CD109: variants seen among roughly 807,000 people sequenced by gnomAD.
The protein encoded by CD109 is CD109 antigen.
CD109 carries 149 observed loss-of-function variants against 165.8 expected under a neutral mutation model. The observed-to-expected ratio is 0.90, with a 90% confidence interval of 0.79 to 1.03. The LOEUF (loss-of-function observed/expected upper bound fraction) is 1.03. CD109 is among the 50% of genes least tolerant of loss of function. The pLI, the probability that CD109 is intolerant of heterozygous loss-of-function variation, is 0.00. For synonymous variants in CD109, 585 were observed against 592.1 expected, an observed-to-expected ratio of 0.99 and a Z score of 0.18; for missense variants, 1,712 against 1,677.8, an observed-to-expected ratio of 1.02 and a Z score of -0.36.
At chr6:73,806,652 T>C (rs1460593285) in intron 24 of CD109, among the ~76,000 whole-genome samples, 192 bp from the exon 25 acceptor site, 1 of 152,220 alleles carries the variant, frequency 6.6e-6, no homozygotes, top group Non-Finnish European at 1.5e-5. Context: ...TTCTGCCTGC[T>C]AGAGAGAGTT....
chr6:73,716,500 T>C (rs766338732), intron 2 of CD109, among the ~76,000 whole-genome samples: 1 of 152,236 alleles, frequency 6.6e-6, no homozygotes, highest in Non-Finnish European at 1.5e-5. Flanking sequence ...TATCTCATTG[T>C]AGTTTTGATT....
chr6:73,801,283 A>C (rs541187975), intron 23 of CD109, among the ~76,000 whole-genome samples: 1 of 152,338 alleles, frequency 6.6e-6, no homozygotes, highest in South Asian at 2.1e-4. Context: ...AAAGGGAATA[A>C]TAATAGCATC....
intron 5 of CD109, among the ~76,000 whole-genome samples, chr6:73,742,561 G>T (rs1217811005): frequency 1.3e-5 from 2 of 152,250 alleles, no homozygotes. Context: ...CAGAGCTCCA[G>T]GTCTTTGCGT....
chr6:73,757,262 G>C (rs1396362286), intron 6 of CD109, among the ~76,000 whole-genome samples: 1 of 152,112 alleles, frequency 6.6e-6, no homozygotes, highest in Non-Finnish European at 1.5e-5. Flanking sequence ...TCTTTTTTGA[G>C]ATTGGGTTTT....
chr6:73,802,305 A>ATATATATT (rs1554183463), intron 23 of CD109, among the ~76,000 whole-genome samples: 7 of 47,606 alleles, frequency 1.5e-4, no homozygotes, highest in Admixed American at 2.5e-4. Context: ...ATATATATAT[A>ATATATATT]TTTTTTTTTT....
intron 3 of CD109, among the ~76,000 whole-genome samples, chr6:73,727,440 G>A (rs956844411): frequency 2.0e-5 from 3 of 152,182 alleles, no homozygotes; most frequent in African/African-American, 7.2e-5. Context: ...TATATGGCAA[G>A]GTGGGGTTTT....
At chr6:73,723,959 A>G (rs1772047576) in intron 3 of CD109, among the ~76,000 whole-genome samples, 1 of 152,158 alleles carries the variant, frequency 6.6e-6, no homozygotes, top group South Asian at 2.1e-4. Flanking sequence ...TGAGCCTTCT[A>G]GTGTGGAACT....
rs1441812514 is a variant in CD109 at position 73,768,171 on chromosome 6, T to C, written c.1614T>C (p.Asp538=). The change falls in exon 14 of 33, where the codon GAT becomes GAC. Residue 538 remains aspartate (D), a synonymous_variant. Transcript: ENST00000287097. ...KACVIVYYIE[D]DGEIISDVLK... ...GTGTAATTGTGTATTATATTGAAGATGATGGGGAAATTATAAGTGATGTTC... is the reference window on the plus strand; with the variant it reads ...GTGTAATTGTGTATTATATTGAAGACGATGGGGAAATTATAAGTGATGTTC... 3.1e-6 allele frequency: 5 copies of C among 1,600,474 alleles called. No homozygotes were observed. Among genetic ancestry groups the C allele is most frequent in the Non-Finnish European group, 3.4e-6 (4 of 1,167,912 alleles).
intron 10 of CD109, among the ~76,000 whole-genome samples, chr6:73,765,190 G>T (rs1032746208): frequency 2.6e-5 from 4 of 152,036 alleles, no homozygotes; most frequent in African/African-American, 9.7e-5. Context: ...GCAATTTCGG[G>T]GTGCACTCAG....
chr6:73,695,444 T>C (rs936102293), upstream of CD109: 3 of 152,196 alleles, frequency 2.0e-5, no homozygotes, highest in Non-Finnish European at 2.9e-5. Context: ...TACCAAATTC[T>C]TTCTGTAGCA....
Position 73,818,434 on chromosome 6 carries a change from C to T in CD109, c.3958C>T (p.Leu1320=), listed in dbSNP as rs761069465. 6.2e-7 allele frequency: 1 copy of T among 1,613,772 alleles called. No homozygotes were observed. The highest frequency in any genetic ancestry group is 1.7e-5 in the Admixed American group (1 of 59,946). Reference sequence around the variant, plus strand: ...TGGCATGGCTCTTATGGAAGTTAACCTATTAAGTGGCTTTATGGTGCCTTC... The same window carrying T: ...TGGCATGGCTCTTATGGAAGTTAACTTATTAAGTGGCTTTATGGTGCCTTC... ...RSGMALMEVN[L]LSGFMVPSEA... The change falls in exon 31 of 33, where the codon CTA becomes TTA. Residue 1320 remains leucine (L), a synonymous_variant. Coordinates refer to ENST00000287097, the MANE Select transcript of CD109 (RefSeq NM_133493.5).
intron 4 of CD109, among the ~76,000 whole-genome samples, chr6:73,733,924 T>A (rs1191517508): frequency 3.4e-5 from 4 of 116,428 alleles, no homozygotes; most frequent in Non-Finnish European, 6.9e-5. Flanking sequence ...TGTTGAGGCA[T>A]CTCAGAGATC....
chr6:73,761,014 AACACACACACACACACACACACAC>A (rs577598100), intron 7 of CD109, among the ~76,000 whole-genome samples: 40 of 124,404 alleles, frequency 3.2e-4, no homozygotes, highest in African/African-American at 7.6e-4. Context: ...ACTGTGTCTA[AACACACACACACACACACACACAC>A]ACACACACAC....
rs1776323193 is a variant in CD109, at chr6:73,827,981, ATCTTTGAT to A, written c.*4349_*4356del. 4 of 154,722 alleles carry A rather than the reference ATCTTTGAT, an allele frequency of 2.6e-5. No individual in the cohort carries two copies. Among genetic ancestry groups the A allele is most frequent in the Non-Finnish European group, 5.9e-5 (4 of 68,192 alleles). The allele number at this position is 154,722 out of a possible 1,614,324, so 9.6% of individuals were successfully genotyped here. ...TCCATTTGTAGATCTTTAAGATTTT[ATCTTTGAT>A]AACTTTAATAGAATGTGGCTCAGTT... On this transcript the variant is annotated 3_prime_UTR_variant, in exon 33 of 33. Coordinates refer to ENST00000287097, the MANE Select transcript of CD109 (RefSeq NM_133493.5).
chr6:73,820,516 C>G lies in CD109; in HGVS notation c.4115C>G (p.Ser1372Ter). Residue 1372 changes from serine (S) to a stop codon, truncating the protein, a stop_gained, in exon 32 of 33, where the codon TCA (serine) becomes TGA (stop). Coordinates refer to ENST00000287097, the MANE Select transcript of CD109 (RefSeq NM_133493.5). LOFTEE classifies it low-confidence loss of function (END_TRUNC). ...CCTGCTGTGAGAAACTTTAAAGTTT[C>G]AAATACCCAAGATGCTTCAGTGTCC... The part of the protein sequence containing the change: ...NIPAVRNFKV[S>*]NTQDASVSIV... The G allele has an allele frequency of 6.2e-7, 1 of 1,612,402 alleles. No homozygotes were observed. Among genetic ancestry groups the G allele is most frequent in the Non-Finnish European group, 8.5e-7 (1 of 1,178,988 alleles).
At chr6:73,791,190 T>TATAC (rs1352766740) in intron 22 of CD109, among the ~76,000 whole-genome samples, 1 of 13,526 alleles carries the variant, frequency 7.4e-5, no homozygotes, top group Non-Finnish European at 1.5e-4. Flanking sequence ...CACACACACA[T>TATAC]ACATATATAT....
intron 2 of CD109, among the ~76,000 whole-genome samples, chr6:73,700,091 T>C (rs763116100): frequency 6.6e-6 from 1 of 152,184 alleles, no homozygotes; most frequent in Non-Finnish European, 1.5e-5. Context: ...AAATACCTTT[T>C]ATTTTTAAGG....
chr6:73,792,766 A>C lies in CD109; in HGVS notation c.2842A>C (p.Asn948His), dbSNP rs752950352. The change falls in exon 23 of 33, where the codon AAT (asparagine) becomes CAT (histidine). Residue 948 changes from asparagine to histidine, a missense_variant. Asn to His is a moderately conservative substitution (Grantham distance 68). Transcript: ENST00000287097. ...GACTAAAAAGAAACAACTGACAGAT[A>C]ATTTGAAAGAAAAAGCTCTTTCATT... ...YLTKKKQLTD[N>H]LKEKALSFMR... 3.7e-6 allele frequency: 6 copies of C among 1,611,122 alleles called. No homozygotes were observed. In the Admixed American group the frequency reaches 1.0e-4, roughly 27 times the overall value.
intron 2 of CD109, among the ~76,000 whole-genome samples, chr6:73,712,574 A>T (rs1771579225): frequency 6.6e-6 from 1 of 152,214 alleles, no homozygotes; most frequent in African/African-American, 2.4e-5. Flanking sequence ...GTGAGGACAG[A>T]TGTCAGAAGA....
Sources: gnomAD v4.1 joint callset for allele counts (sites outside exome capture counted in the v4.1 genomes callset) on GRCh38, gnomAD v4.1.1 for gene constraint, MANE v1.5 for transcripts, NCBI Gene and HGNC (gene_info 2026-07-23, HGNC 2026-07-21) for gene names.